Variants in FAM151A observed in about 807,000 individuals in gnomAD.
The protein encoded by FAM151A is protein FAM151A.
A neutral mutation model predicts 40.4 loss-of-function variants in FAM151A; 41 were observed. That is an observed-to-expected ratio of 1.01 (90% CI 0.79 to 1.32). FAM151A has a LOEUF of 1.32. FAM151A is among the 40% of genes most tolerant of loss of function. FAM151A has a pLI of 0.00. For synonymous variants in FAM151A, 337 were observed against 312.5 expected (o/e 1.08, Z -0.83); for missense variants, 740 against 740.4 (o/e 1.00, Z 0.01).
At chr1:54,623,211 G>T in intron 1 of FAM151A, 67 bp downstream of exon 1, 3 of 1,034,822 alleles carry the variant, frequency 2.9e-6, no homozygotes, top group Non-Finnish European at 3.0e-6. Context: ...AGCTGTAAGT[G>T]AGAAGTGGGG....
In FAM151A at chr1:54,612,688, TCTC is replaced by T. The variant is rs1644132120; in HGVS notation, c.595_597del (p.Glu199del). On this transcript the variant is annotated inframe_deletion, in exon 5 of 8. Transcript: ENST00000302250. ...GGAGATAGGGTAGCCTTGGGATACT[TCTC>T]CTGGACCAGGGCCAGGAACCTGCAA... 7 of 1,613,858 alleles carry T rather than the reference TCTC, an allele frequency of 4.3e-6. No individual in the cohort carries two copies. The highest frequency in any genetic ancestry group is 1.3e-5 in the African/African-American group (1 of 75,022).
At position 54,609,472 on chromosome 1, in the gene FAM151A, G is replaced by A; in HGVS notation, c.1554C>T (p.Gly518=). 6.2e-7 allele frequency: 1 copy of A among 1,613,468 alleles called. No homozygotes were observed. Among genetic ancestry groups the A allele is most frequent in the Non-Finnish European group, 8.5e-7 (1 of 1,180,030 alleles). ...TGCCTATGGCTCCAGCTGTGCTGTG[G>A]CCCAGCAGCATGGCCTGCATCTGGA... The part of the protein sequence containing the change: ...VSFQMQAMLL[G]HSTAGAIGRL... The change falls in exon 8 of 8, where the codon GGC becomes GGT. Residue 518 remains glycine (G), a synonymous_variant. Coordinates refer to ENST00000302250, the MANE Select transcript of FAM151A (RefSeq NM_176782.3).
At chr1:54,621,256 C>T (rs1043778898) in intron 1 of FAM151A, among the ~76,000 whole-genome samples, 1 of 150,492 alleles carries the variant, frequency 6.6e-6, no homozygotes, top group African/African-American at 2.4e-5. Flanking sequence ...CAGGAGTTCA[C>T]GATCAGCCTG....
intron 6 of FAM151A, 115 bp from the exon 7 acceptor site, chr1:54,610,670 A>G: frequency 6.9e-7 from 1 of 1,458,976 alleles, no homozygotes; most frequent in Non-Finnish European, 9.1e-7. Flanking sequence ...GCCTCATAGC[A>G]CCCTGCCAAG....
chr1:54,623,073 G>A (rs908609862), intron 1 of FAM151A, among the ~76,000 whole-genome samples: 4 of 152,000 alleles, frequency 2.6e-5, no homozygotes, highest in African/African-American at 7.3e-5. Flanking sequence ...CTACTCGGGA[G>A]GCTGAGGCAG....
At chr1:54,615,315 G>A (rs1644161251) in intron 3 of FAM151A, among the ~76,000 whole-genome samples, 1 of 152,302 alleles carries the variant, frequency 6.6e-6, no homozygotes, top group Admixed American at 6.5e-5. Flanking sequence ...GGGTGGTGAG[G>A]AGATGAGGCT....
At chr1:54,609,966 G>C in intron 7 of FAM151A, 25 bp from the exon 8 acceptor site, 1 of 1,589,486 alleles carries the variant, frequency 6.3e-7, no homozygotes, top group Non-Finnish European at 8.5e-7. Context: ...AGAGGCAACA[G>C]TGTTTAGGAT....
chr1:54,617,974 G>A (rs12073646), intron 2 of FAM151A, among the ~76,000 whole-genome samples: 32,372 of 151,476 alleles, frequency 0.21, 3,467 homozygotes, highest in Non-Finnish European at 0.23. Context: ...TGATCCACCC[G>A]CCTCAGCCTC....
rs1644083182 is a variant in FAM151A at position 54,609,410 on chromosome 1, A to G, written c.1616T>C (p.Val539Ala). 6.2e-7 allele frequency: 1 copy of G among 1,613,926 alleles called. No homozygotes were observed. The highest frequency in any genetic ancestry group is 8.5e-7 in the Non-Finnish European group (1 of 1,179,996). Reference sequence around the variant, plus strand: ...GTCGCCCCCAGCTGGGTTGTGCTCCACTGTGACGGTGGCCCGGGGGGAGGA... The same window carrying G: ...GTCGCCCCCAGCTGGGTTGTGCTCCGCTGTGACGGTGGCCCGGGGGGAGGA... ...LASSPRATVT[V>A]EHNPAGGDYA... The change falls in exon 8 of 8, where the codon GTG becomes GCG. Residue 539 changes from valine (V) to alanine (A), a missense_variant. Transcript: ENST00000302250.
rs1461025335 is a variant in FAM151A, at chr1:54,614,876, A to G, written c.416-17T>C. ...GTTTGATGCCTGTGGGGAAAGGAAC[A>G]AGGGCTTGGGGAAATGGCGAAGGAA... is the stretch of plus-strand genomic sequence containing the variant. On this transcript the variant is annotated splice_polypyrimidine_tract_variant and intron_variant, in intron 3 of 7. Coordinates refer to ENST00000302250, the MANE Select transcript of FAM151A (RefSeq NM_176782.3). 4 of 1,611,508 alleles carry G rather than the reference A, an allele frequency of 2.5e-6. No homozygotes were observed. The highest frequency in any genetic ancestry group is 8.5e-7 in the Non-Finnish European group (1 of 1,178,702).
rs759552783 is a variant in FAM151A, at chr1:54,611,712, G to C, written c.834C>G (p.Asp278Glu). Residue 278 changes from aspartate (D) to glutamate (E), a missense_variant, in exon 6 of 8, where the codon GAC becomes GAG. By Grantham distance (45) the Asp-to-Glu change is conservative. Coordinates refer to ENST00000302250, the MANE Select transcript of FAM151A (RefSeq NM_176782.3). ...AGAGCAGATCTTCCACCGACATGGG[G>C]TCCGAGGCAGCCTGCCACAGCGTCA... ...YSLTLWQAAS[D>E]PMSVEDLLYV... 6.2e-7 allele frequency: 1 copy of C among 1,614,132 alleles called. No homozygotes were observed. Among genetic ancestry groups the C allele is most frequent in the East Asian group, 2.2e-5 (1 of 44,860 alleles).
chr1:54,611,809 G>A, intron 5 of FAM151A, 64 bp from the exon 6 acceptor site: 1 of 1,598,452 alleles, frequency 6.3e-7, no homozygotes. Context: ...CCCCACTCCT[G>A]TGCTCAGAAC....
intron 1 of FAM151A, among the ~76,000 whole-genome samples, chr1:54,622,450 C>T (rs540715990): frequency 1.6e-4 from 24 of 151,928 alleles, no homozygotes; most frequent in Admixed American, 1.0e-3. Flanking sequence ...TGGTGGCGCA[C>T]GCCTGTAGTC....
intron 2 of FAM151A, among the ~76,000 whole-genome samples, chr1:54,619,057 C>A (rs1569798110): frequency 6.6e-6 from 1 of 152,268 alleles, no homozygotes; most frequent in Non-Finnish European, 1.5e-5. Flanking sequence ...CCTCAGACCC[C>A]AGTTTCCTTG....
Position 54,611,535 on chromosome 1 carries a change from C to T in FAM151A, c.940+71G>A. 6 of 1,537,230 alleles carry T rather than the reference C, an allele frequency of 3.9e-6. 1 individual carries two copies. Among genetic ancestry groups the T allele is most frequent in the Non-Finnish European group, 5.4e-6 (6 of 1,119,708 alleles). The stretch of plus-strand genomic sequence containing the variant: ...CTGATATCCCTTCCACCCAGCTCTG[C>T]TCCAGTGCCCACCAGGTGCTGCTCC... On this transcript the variant is annotated intron_variant, in intron 6 of 7. Coordinates refer to ENST00000302250, the MANE Select transcript of FAM151A (RefSeq NM_176782.3).
At chr1:54,616,463 A>T (rs1159060484) in intron 2 of FAM151A, among the ~76,000 whole-genome samples, 1 of 151,624 alleles carries the variant, frequency 6.6e-6, no homozygotes, top group Non-Finnish European at 1.5e-5. Context: ...TCCCAGTTTC[A>T]AGCAATTCTT....
chr1:54,615,000 C>T, intron 3 of FAM151A, 141 bp from the exon 4 acceptor site: 1 of 794,046 alleles, frequency 1.3e-6, no homozygotes, highest in Non-Finnish European at 2.0e-6. Flanking sequence ...AGGACCAGCA[C>T]CACATCCCTG....
At position 54,610,389 on chromosome 1, in the gene FAM151A, C is replaced by G. The variant is rs896766124; in HGVS notation, c.1084+23G>C. ...ACCCCTGCAGATGAGCTGGGAGCAC[C>G]GGGGCTGAAGGGTAGACCTTACCTG... On this transcript the variant is annotated intron_variant, in intron 7 of 7. Coordinates refer to ENST00000302250, the MANE Select transcript of FAM151A (RefSeq NM_176782.3). 4 of 1,608,614 alleles carry G rather than the reference C, an allele frequency of 2.5e-6. No homozygotes were observed. The South Asian group carries it at 3.3e-5, about 13-fold the overall frequency.
At chr1:54,616,311 A>G (rs1644172741) in intron 2 of FAM151A, 139 bp from the exon 3 acceptor site, 1 of 757,230 alleles carries the variant, frequency 1.3e-6, no homozygotes, top group Non-Finnish European at 2.1e-6. Context: ...CCACACTTCC[A>G]TCATAGTTTC....
Sources: gnomAD v4.1 joint callset for allele counts (sites outside exome capture counted in the v4.1 genomes callset) on GRCh38, gnomAD v4.1.1 for gene constraint, MANE v1.5 for transcripts, NCBI Gene and HGNC (gene_info 2026-07-23, HGNC 2026-07-21) for gene names.